Variants in ZEB1 observed in about 807,000 individuals in gnomAD.
ZEB1 encodes the protein zinc finger E-box-binding homeobox 1.
In ZEB1, 21 loss-of-function variants were observed where a neutral mutation model predicts 84.9. The observed-to-expected ratio is 0.25, with a 90% confidence interval of 0.18 to 0.36. ZEB1 has a LOEUF of 0.36. ZEB1 is among the 10% of genes least tolerant of loss of function. ZEB1 has a pLI of 1.00. For synonymous variants in ZEB1, 420 were observed against 471.1 expected (o/e 0.89, Z 1.41); for missense variants, 1,104 against 1,330.2 (o/e 0.83, Z 2.65).
chr10:31,469,820 A>C (rs1347892393), intron 2 of ZEB1, among the ~76,000 whole-genome samples: 1 of 152,202 alleles, frequency 6.6e-6, no homozygotes, highest in Non-Finnish European at 1.5e-5. Context: ...CCTGTCTGAC[A>C]GCTTTGAAGA....
chr10:31,405,117 T>C (rs1409756871), intron 1 of ZEB1, among the ~76,000 whole-genome samples: 2 of 152,198 alleles, frequency 1.3e-5, no homozygotes, highest in Non-Finnish European at 2.9e-5. Flanking sequence ...TAGTTATTAA[T>C]TCCTTTTCCC....
rs1834607971 is a variant in ZEB1, at chr10:31,528,728, A to G, written c.*1464A>G. On this transcript the variant is annotated 3_prime_UTR_variant, in exon 9 of 9. Coordinates refer to ENST00000424869, the MANE Select transcript of ZEB1 (RefSeq NM_001174096.2). Reference sequence around the variant, plus strand: ...AATACAATAATATATTTTAGTATGAAAATTTGGAAAGTTGATAAGATTTAA... The same window carrying G: ...AATACAATAATATATTTTAGTATGAGAATTTGGAAAGTTGATAAGATTTAA... 6.6e-6 allele frequency: 1 copy of G among 152,116 alleles called. No homozygotes were observed. Among genetic ancestry groups the G allele is most frequent in the African/African-American group, 2.4e-5 (1 of 41,424 alleles). 9.4% of individuals were successfully genotyped at this position (152,116 alleles called of 1,614,324 possible).
At chr10:31,321,137 T>A in intron 1 of ZEB1, 1 of 1,034,686 alleles carries the variant, frequency 9.7e-7, no homozygotes, top group South Asian at 3.6e-5. Flanking sequence ...GGGCTCCCTT[T>A]CTCCCTCCCC....
chr10:31,510,628 T>C, intron 4 of ZEB1, 45 bp from the exon 5 acceptor site: 2 of 1,541,850 alleles, frequency 1.3e-6, no homozygotes, highest in Non-Finnish European at 1.8e-6. Context: ...TTGGTAATAT[T>C]TTCTGAATGT....
At chr10:31,495,636 G>A in intron 2 of ZEB1, 140 bp from the exon 3 acceptor site, 4 of 771,782 alleles carry the variant, frequency 5.2e-6, no homozygotes, top group Non-Finnish European at 6.7e-6. Context: ...TATTTGGGGA[G>A]TACATGTGAT....
At chr10:31,488,052 TTTTTTC>T (rs1010745200) in intron 2 of ZEB1, among the ~76,000 whole-genome samples, 1 of 151,230 alleles carries the variant, frequency 6.6e-6, no homozygotes, top group African/African-American at 2.4e-5. Context: ...GTCTATAATT[TTTTTTC>T]TTTTTCTTTT....
chr10:31,366,779 C>T (rs933454392), intron 1 of ZEB1, among the ~76,000 whole-genome samples: 1 of 152,102 alleles, frequency 6.6e-6, no homozygotes, highest in Non-Finnish European at 1.5e-5. Context: ...TTCCTATCGA[C>T]CCTAACTAAA....
chr10:31,441,780 T>C (rs2059025696), intron 1 of ZEB1, among the ~76,000 whole-genome samples: 1 of 152,220 alleles, frequency 6.6e-6, no homozygotes, highest in Non-Finnish European at 1.5e-5. Flanking sequence ...AGACATTTAT[T>C]TATGCAACCA....
chr10:31,471,301 G>T (rs1406503542), intron 2 of ZEB1, among the ~76,000 whole-genome samples: 3 of 126,920 alleles, frequency 2.4e-5, no homozygotes, highest in African/African-American at 9.3e-5. Context: ...CCATCAGTGT[G>T]CTGTATTCAG....
intron 1 of ZEB1, among the ~76,000 whole-genome samples, chr10:31,397,159 TTTA>T (rs200770494): frequency 0.14 from 17,475 of 128,164 alleles, 1,217 homozygotes; most frequent in Middle Eastern, 0.16. Flanking sequence ...TCTTGGGTTT[TTTA>T]TTATTATTAT....
chr10:31,491,568 A>T (rs1043668386), intron 2 of ZEB1, among the ~76,000 whole-genome samples: 2 of 151,856 alleles, frequency 1.3e-5, no homozygotes, highest in East Asian at 3.9e-4. Context: ...TTTTAAAAAA[A>T]GAAGAAGAAA....
At chr10:31,333,615 T>G (rs2037296886) in intron 1 of ZEB1, among the ~76,000 whole-genome samples, 1 of 151,782 alleles carries the variant, frequency 6.6e-6, no homozygotes, top group African/African-American at 2.4e-5. Flanking sequence ...AGAAACAATA[T>G]TCAATCTGAA....
intron 1 of ZEB1, among the ~76,000 whole-genome samples, chr10:31,341,356 A>C (rs2039325383): frequency 6.6e-6 from 1 of 152,166 alleles, no homozygotes; most frequent in African/African-American, 2.4e-5. Flanking sequence ...CGATGCTTGG[A>C]AATGACCAGT....
intron 1 of ZEB1, among the ~76,000 whole-genome samples, chr10:31,411,505 G>T (rs1471303228): frequency 6.6e-6 from 1 of 151,930 alleles, no homozygotes; most frequent in African/African-American, 2.4e-5. Flanking sequence ...GGTGGCGGGC[G>T]CCTGTAGTCC....
At position 31,321,478 on chromosome 10, in the gene ZEB1, AGT is replaced by A. The variant is rs747863419; in HGVS notation, c.58+2193_58+2194del. ...TTAATTTCCTGTTTTAGCGTCAAAT[AGT>A]GTGTGTTCCATATTGAGCTGTTGCC... On this transcript the variant is annotated intron_variant, in intron 1 of 8. Coordinates refer to ENST00000424869, the MANE Select transcript of ZEB1 (RefSeq NM_001174096.2). 28 of 1,613,886 alleles carry A rather than the reference AGT, an allele frequency of 1.7e-5. No individual in the cohort carries two copies. In the East Asian group the frequency reaches 5.6e-4, roughly 32 times the overall value.
chr10:31,505,407 C>G (rs1472762091), intron 4 of ZEB1, among the ~76,000 whole-genome samples: 1 of 151,900 alleles, frequency 6.6e-6, no homozygotes, highest in East Asian at 1.9e-4. Context: ...AGCAGTGAAC[C>G]CTTTCAGTCC....
intron 1 of ZEB1, among the ~76,000 whole-genome samples, chr10:31,333,993 A>G (rs995650050): frequency 3.3e-5 from 5 of 152,096 alleles, no homozygotes; most frequent in African/African-American, 9.7e-5. Flanking sequence ...GGAAGGTATA[A>G]TTTTAAATAA....
At chr10:31,348,176 A>G (rs1036876994) in intron 1 of ZEB1, among the ~76,000 whole-genome samples, 1 of 152,184 alleles carries the variant, frequency 6.6e-6, no homozygotes, top group African/African-American at 2.4e-5. Context: ...TTGTCTGGGA[A>G]AAAAGCAGAA....
At chr10:31,399,434 GTCC>G (rs1410613082) in intron 1 of ZEB1, among the ~76,000 whole-genome samples, 7 of 152,076 alleles carry the variant, frequency 4.6e-5, no homozygotes, top group South Asian at 2.1e-4. Flanking sequence ...AAGGATGCCT[GTCC>G]TCCTTTCATT....
Sources: gnomAD v4.1 joint callset for allele counts (sites outside exome capture counted in the v4.1 genomes callset) on GRCh38, gnomAD v4.1.1 for gene constraint, MANE v1.5 for transcripts, NCBI Gene and HGNC (gene_info 2026-07-23, HGNC 2026-07-21) for gene names.